The following TYW1 variants were observed in gnomAD, a reference collection of about 807,000 sequenced individuals.
The protein encoded by TYW1 is tRNA-yW synthesizing protein 1 homolog, also known as S-adenosyl-L-methionine-dependent tRNA 4-demethylwyosine synthase TYW1.
In TYW1, 46 loss-of-function variants were observed where a neutral mutation model predicts 96.2. The observed-to-expected ratio is 0.48, with a 90% confidence interval of 0.38 to 0.61. TYW1 has a LOEUF of 0.61. Among genes scored for constraint, TYW1 ranks in the 20% least tolerant of loss-of-function variants. The probability of loss-of-function intolerance (pLI) is 0.00; values close to 1 mark genes in which losing one functional copy is unlikely to be tolerated. For missense variants in TYW1, 684 were observed against 909.6 expected (o/e 0.75, Z 3.19); for synonymous variants, 274 against 323.0 (o/e 0.85, Z 1.63).
intron 11 of TYW1, among the ~76,000 whole-genome samples, chr7:67,094,099 T>G (rs1405081671): frequency 6.6e-6 from 1 of 152,076 alleles, no homozygotes; most frequent in East Asian, 1.9e-4. Flanking sequence ...ACGTGTGATA[T>G]TTGATGTTCT....
intron 11 of TYW1, among the ~76,000 whole-genome samples, chr7:67,094,221 T>A (rs1584552140): frequency 6.6e-6 from 1 of 152,326 alleles, no homozygotes; most frequent in Middle Eastern, 3.4e-3. Context: ...ATATGTACCA[T>A]ATTTTCTTTA....
At chr7:67,055,791 G>A (rs766548002) in intron 8 of TYW1, 44 bp from the exon 9 acceptor site, 16 of 1,516,040 alleles carry the variant, frequency 1.1e-5, no homozygotes, top group South Asian at 3.9e-5. Flanking sequence ...TTGATATGAC[G>A]CTTTGGATCA....
chr7:67,197,630 C>T (rs998681732), intron 15 of TYW1, among the ~76,000 whole-genome samples: 1 of 152,096 alleles, frequency 6.6e-6, no homozygotes, highest in African/African-American at 2.4e-5. Flanking sequence ...CCAGTCTGAG[C>T]TCTGTCTTAT....
intron 15 of TYW1, among the ~76,000 whole-genome samples, chr7:67,230,651 TC>T (rs1299607482): frequency 3.9e-5 from 5 of 128,198 alleles, no homozygotes; most frequent in Admixed American, 1.7e-4. Context: ...GCTTATTATC[TC>T]TTTTTTTTTT....
At chr7:67,049,846 CT>C (rs2129261576) in intron 7 of TYW1, 102 bp from the exon 8 acceptor site, 1 of 1,443,772 alleles carries the variant, frequency 6.9e-7, no homozygotes, top group South Asian at 1.3e-5. Context: ...CGTGCCCGGC[CT>C]CATAATGGAC....
intron 13 of TYW1, among the ~76,000 whole-genome samples, chr7:67,128,752 G>A (rs531604231): frequency 2.0e-5 from 3 of 147,758 alleles, no homozygotes; most frequent in African/African-American, 7.5e-5. Flanking sequence ...GCAGTGGCAC[G>A]ATCTTGGCTC....
intron 3 of TYW1, among the ~76,000 whole-genome samples, chr7:67,001,485 G>T (rs988872660): frequency 5.3e-5 from 8 of 151,330 alleles, no homozygotes; most frequent in Admixed American, 2.0e-4. Flanking sequence ...GCAGTGGCGC[G>T]ATCTCGGCTC....
At chr7:67,104,769 G>A (rs776711920) in intron 12 of TYW1, among the ~76,000 whole-genome samples, 3 of 152,208 alleles carry the variant, frequency 2.0e-5, no homozygotes, top group East Asian at 1.9e-4. Flanking sequence ...TGACAAGAAT[G>A]TGTAACACAC....
chr7:67,105,856 C>T (rs188785290), intron 12 of TYW1, among the ~76,000 whole-genome samples: 2,324 of 141,978 alleles, frequency 0.016, 31 homozygotes, highest in Admixed American at 0.044. Flanking sequence ...TTTTGGTACA[C>T]AAAGAACTTT....
At chr7:67,065,708 T>C (rs1264226620) in intron 9 of TYW1, among the ~76,000 whole-genome samples, 1 of 151,596 alleles carries the variant, frequency 6.6e-6, no homozygotes, top group Non-Finnish European at 1.5e-5. Flanking sequence ...GTAAATAAGC[T>C]AGTAGACATT....
intron 15 of TYW1, among the ~76,000 whole-genome samples, chr7:67,229,608 T>C (rs1381455739): frequency 6.6e-6 from 1 of 151,674 alleles, no homozygotes; most frequent in Non-Finnish European, 1.5e-5. Context: ...GGGAGTTAAC[T>C]TAGGGATATT....
At chr7:67,164,340 T>C (rs927930590) in intron 13 of TYW1, among the ~76,000 whole-genome samples, 1 of 152,184 alleles carries the variant, frequency 6.6e-6, no homozygotes, top group African/African-American at 2.4e-5. Context: ...CCAGGTGTTA[T>C]AGCTAATGCC....
rs553013648 is a variant in TYW1 at position 67,210,228 on chromosome 7, G to GC, written c.1977+14894dup. Among the ~76,000 whole-genome samples, 297 of 152,058 alleles carry GC rather than the reference G, an allele frequency of 2.0e-3. 1 individual carries two copies. Among genetic ancestry groups the GC allele is most frequent in the African/African-American group, 6.5e-3 (269 of 41,430 alleles). ...GGGTACTCGAGGGATTTTGTGGAATGCCCTATTATTGAAATTTGTCTGATG... is the reference window on the plus strand; with the variant it reads ...GGGTACTCGAGGGATTTTGTGGAATGCCCCTATTATTGAAATTTGTCTGATG... On this transcript the variant is annotated intron_variant, in intron 15 of 15. Coordinates refer to ENST00000359626, the MANE Select transcript of TYW1 (RefSeq NM_018264.4).
chr7:67,084,447 T>C (rs1264822870), intron 11 of TYW1, among the ~76,000 whole-genome samples: 1 of 152,196 alleles, frequency 6.6e-6, no homozygotes, highest in Non-Finnish European at 1.5e-5. Flanking sequence ...CTGGAGAGCT[T>C]GTTAAAACAC....
chr7:67,223,313 C>A (rs1323024766), intron 15 of TYW1, among the ~76,000 whole-genome samples: 3 of 152,206 alleles, frequency 2.0e-5, no homozygotes, highest in East Asian at 3.9e-4. Context: ...GAATCAGATT[C>A]TTTGCCTCTC....
intron 15 of TYW1, among the ~76,000 whole-genome samples, chr7:67,234,936 T>C (rs1293907086): frequency 7.4e-6 from 1 of 134,736 alleles, no homozygotes; most frequent in Non-Finnish European, 1.6e-5. Flanking sequence ...ATAAAGTATA[T>C]TTTTGACTGT....
At chr7:67,049,202 G>A (rs1401537341) in intron 7 of TYW1, among the ~76,000 whole-genome samples, 1 of 152,168 alleles carries the variant, frequency 6.6e-6, no homozygotes, top group African/African-American at 2.4e-5. Context: ...GGGTTGTGCT[G>A]TGATTTTATT....
chr7:67,147,761 C>CT (rs1416913030), intron 13 of TYW1, among the ~76,000 whole-genome samples: 7 of 152,046 alleles, frequency 4.6e-5, no homozygotes, highest in African/African-American at 1.7e-4. Context: ...TGATCTTGTT[C>CT]TTTTTTACGT....
chr7:67,118,685 A>G (rs1797672043), intron 13 of TYW1, among the ~76,000 whole-genome samples: 1 of 151,882 alleles, frequency 6.6e-6, no homozygotes, highest in African/African-American at 2.4e-5. Flanking sequence ...ACTTGAGGTC[A>G]GGAGTTCAAG....
Sources: gnomAD v4.1 joint callset for allele counts (sites outside exome capture counted in the v4.1 genomes callset) on GRCh38, gnomAD v4.1.1 for gene constraint, MANE v1.5 for transcripts, NCBI Gene and HGNC (gene_info 2026-07-23, HGNC 2026-07-21) for gene names.